The following DACH1 variants were observed in gnomAD, a reference collection of about 807,000 sequenced individuals.
The protein encoded by DACH1 is dachshund homolog 1.
A neutral mutation model predicts 54.2 loss-of-function variants in DACH1; 12 were observed. The ratio of observed to expected loss-of-function variants is 0.22; its 90% CI spans 0.14 to 0.36. The LOEUF is 0.36. DACH1 is among the 10% of genes least tolerant of loss of function. The pLI is 1.00. For missense variants in DACH1, 805 were observed against 929.8 expected (o/e 0.87, Z 1.75); for synonymous variants, 386 against 366.2 (o/e 1.05, Z -0.62).
At chr13:71,470,147 A>G (rs1448171062) in intron 10 of DACH1, among the ~76,000 whole-genome samples, 1 of 152,224 alleles carries the variant, frequency 6.6e-6, no homozygotes, top group Admixed American at 6.5e-5. Flanking sequence ...GTGAAATATC[A>G]ATTTAAAATG....
rs545434056 is a variant in DACH1, at chr13:71,478,423, T to C, written c.1870+746A>G. ...TTCAAACATATAAAGGAAAATAATG[T>C]GGAGCATTTATATTGGATATATATT... is the stretch of plus-strand genomic sequence containing the variant. On this transcript the variant is annotated intron_variant, in intron 8 of 10. Coordinates refer to ENST00000613252, the MANE Select transcript of DACH1 (RefSeq NM_080759.6). Among the ~76,000 whole-genome samples the C allele has an allele frequency of 1.1e-4, 16 of 152,322 alleles. No individual in the cohort carries two copies. In the South Asian group the frequency reaches 3.3e-3, roughly 32 times the overall value.
intron 1 of DACH1, among the ~76,000 whole-genome samples, chr13:71,859,656 T>C (rs1418216890): frequency 1.3e-5 from 2 of 151,780 alleles, no homozygotes; most frequent in Non-Finnish European, 1.5e-5. Flanking sequence ...AATAAATAGG[T>C]GTAACAAATA....
chr13:71,533,520 C>T (rs1285960194), intron 6 of DACH1, among the ~76,000 whole-genome samples: 1 of 151,954 alleles, frequency 6.6e-6, no homozygotes, highest in Non-Finnish European at 1.5e-5. Flanking sequence ...TTATTTCCGG[C>T]CTATATTAAA....
At chr13:71,642,255 A>C (rs1017768211) in intron 2 of DACH1, among the ~76,000 whole-genome samples, 1 of 152,232 alleles carries the variant, frequency 6.6e-6, no homozygotes, top group African/African-American at 2.4e-5. Context: ...AAATAATTTA[A>C]GCTAATTGAA....
In DACH1 at chr13:71,866,322, T is replaced by G; in HGVS notation, c.448A>C (p.Ser150Arg). 1 of 1,542,802 alleles carries G rather than the reference T, an allele frequency of 6.5e-7. No individual in the cohort carries two copies. Reference protein sequence around the residue: ...SSSSSSSSSSSSSSSSSSSSS... With the variant: ...SSSSSSSSSSRSSSSSSSSSS... The stretch of plus-strand genomic sequence containing the variant: ...CTGCTGCTGCTACTACTGCTGCTGC[T>G]GCTGCTGCTGCTACTGCTGCTGCTG... The change falls in exon 1 of 11, where the codon AGC becomes CGC. Residue 150 changes from serine (S) to arginine (R), a missense_variant. Ser to Arg is a moderately radical substitution (Grantham distance 110). This residue lies in a region of DACH1 where 305 missense variants were observed against 308.7 expected (regional missense o/e 0.99). Coordinates refer to ENST00000613252, the MANE Select transcript of DACH1 (RefSeq NM_080759.6).
intron 1 of DACH1, among the ~76,000 whole-genome samples, chr13:71,689,433 C>T (rs1881363687): frequency 2.0e-5 from 3 of 152,108 alleles, no homozygotes. Context: ...TAACTTGAAA[C>T]ATTTTACTCT....
At chr13:71,790,648 G>T (rs1038262008) in intron 1 of DACH1, among the ~76,000 whole-genome samples, 1 of 152,134 alleles carries the variant, frequency 6.6e-6, no homozygotes, top group African/African-American at 2.4e-5. Flanking sequence ...CTTGAAAAAT[G>T]CATTTCATTT....
chr13:71,688,252 T>A (rs1881284504), intron 1 of DACH1, among the ~76,000 whole-genome samples: 1 of 152,226 alleles, frequency 6.6e-6, no homozygotes, highest in Non-Finnish European at 1.5e-5. Context: ...AAGATTAATG[T>A]ATGTATATCA....
intron 1 of DACH1, among the ~76,000 whole-genome samples, chr13:71,690,703 A>G (rs1881435384): frequency 6.6e-6 from 1 of 152,204 alleles, no homozygotes. Flanking sequence ...AAGCCAAGGC[A>G]GGAGGATTGC....
intron 2 of DACH1, among the ~76,000 whole-genome samples, chr13:71,635,948 T>G (rs546367643): frequency 6.6e-6 from 1 of 152,072 alleles, no homozygotes; most frequent in Non-Finnish European, 1.5e-5. Context: ...GTCTGGCTAA[T>G]TTTTGGGGTA....
intron 10 of DACH1, among the ~76,000 whole-genome samples, chr13:71,457,666 GT>G (rs1367599501): frequency 9.9e-5 from 15 of 152,024 alleles, no homozygotes; most frequent in African/African-American, 3.1e-4. Flanking sequence ...TGTTGCCTTC[GT>G]TGCTCTTATT....
At chr13:71,601,601 G>A (rs544567208) in intron 3 of DACH1, among the ~76,000 whole-genome samples, 2 of 151,906 alleles carry the variant, frequency 1.3e-5, no homozygotes, top group East Asian at 1.9e-4. Flanking sequence ...ATCTCTGCCC[G>A]TCTTTTTTCT....
intron 1 of DACH1, among the ~76,000 whole-genome samples, chr13:71,691,926 G>A (rs1881495801): frequency 6.6e-6 from 1 of 151,836 alleles, no homozygotes; most frequent in South Asian, 2.1e-4. Flanking sequence ...GGGAAGATGA[G>A]GTATGAGCAA....
intron 6 of DACH1, among the ~76,000 whole-genome samples, chr13:71,497,293 A>G (rs1593789273): frequency 1.3e-5 from 2 of 152,072 alleles, no homozygotes; most frequent in Admixed American, 6.6e-5. Context: ...TCAATGTGCC[A>G]CGGAGGAAAT....
intron 4 of DACH1, among the ~76,000 whole-genome samples, chr13:71,570,429 T>C (rs1033287032): frequency 4.6e-5 from 7 of 152,186 alleles, no homozygotes; most frequent in Non-Finnish European, 8.8e-5. Context: ...CAACAGCCAA[T>C]TGAACTTCAC....
chr13:71,568,399 T>C (rs1885017566), intron 4 of DACH1, among the ~76,000 whole-genome samples: 1 of 151,914 alleles, frequency 6.6e-6, no homozygotes, highest in Admixed American at 6.6e-5. Flanking sequence ...TTCTAGAGTA[T>C]GGTGTGATAG....
chr13:71,484,074 A>C (rs1175646362), intron 7 of DACH1, among the ~76,000 whole-genome samples: 1 of 152,164 alleles, frequency 6.6e-6, no homozygotes. Context: ...ACAAACACAG[A>C]AGTAGAGAAT....
At position 71,674,524 on chromosome 13, in the gene DACH1, C is replaced by A. The variant is rs548006665; in HGVS notation, c.964+7271G>T. ...CACAGAGTCAGAAATTGGAGCCAGG[C>A]AGCCACAAAACCAAGAAATGCCTGC... On this transcript the variant is annotated intron_variant, in intron 2 of 10. Transcript: ENST00000613252. Among the ~76,000 whole-genome samples, 18 of 151,784 alleles carry A rather than the reference C, an allele frequency of 1.2e-4. 1 individual carries two copies. The highest frequency in any genetic ancestry group is 1.2e-3 in the Admixed American group (18 of 15,234).
At chr13:71,826,258 T>C (rs1156518887) in intron 1 of DACH1, among the ~76,000 whole-genome samples, 15 of 152,106 alleles carry the variant, frequency 9.9e-5, no homozygotes, top group Admixed American at 9.8e-4. Context: ...AGCACTGAAT[T>C]TTAGGTTTCT....
Sources: gnomAD v4.1 joint callset for allele counts (sites outside exome capture counted in the v4.1 genomes callset) on GRCh38, gnomAD v4.1.1 for gene constraint, gnomAD v4.1.1 regional missense constraint, MANE v1.5 for transcripts, NCBI Gene and HGNC (gene_info 2026-07-23, HGNC 2026-07-21) for gene names.